IL3RA: variants seen among roughly 807,000 people sequenced by gnomAD.
The protein encoded by IL3RA is interleukin-3 receptor subunit alpha.
IL3RA carries 73 observed loss-of-function variants against 52.3 expected under a neutral mutation model. That is an observed-to-expected ratio of 1.40 (90% CI 1.16 to 1.70). The LOEUF is 1.70. IL3RA is among the 40% of genes most tolerant of loss of function. IL3RA has a pLI of 0.00. For missense variants in IL3RA, 664 were observed against 504.4 expected, an observed-to-expected ratio of 1.32 and a Z score of -3.03; for synonymous variants, 260 against 194.0, an observed-to-expected ratio of 1.34 and a Z score of -2.83.
At chrX:1,365,097 C>T in intron 8 of IL3RA, 41 bp from the exon 9 acceptor site, 1 of 1,474,992 alleles carries the variant, frequency 6.8e-7, no homozygotes, top group Non-Finnish European at 9.5e-7. Flanking sequence ...TCATGAGCCA[C>T]CATACCTGGC....
intron 10 of IL3RA, among the ~76,000 whole-genome samples, chrX:1,380,161 TG>T (rs2089074672): frequency 6.6e-6 from 1 of 151,780 alleles, no homozygotes. Context: ...CCCAAAGTGC[TG>T]GGATGACAGG....
intron 2 of IL3RA, among the ~76,000 whole-genome samples, chrX:1,344,003 C>T (rs1210165576): frequency 2.6e-5 from 4 of 151,818 alleles, no homozygotes; most frequent in Non-Finnish European, 1.5e-5. Context: ...ACCGTGTTAG[C>T]CAGGATGGTC....
At chrX:1,378,551 C>A in intron 9 of IL3RA, 108 bp from the exon 10 acceptor site, 1 of 948,548 alleles carries the variant, frequency 1.1e-6, no homozygotes, top group East Asian at 2.6e-5. Flanking sequence ...GGACGCCACC[C>A]CATATGGCAG....
In IL3RA at chrX:1,356,785, A is replaced by AC. The variant is rs1313378075; in HGVS notation, c.732+449_732+450insC. Among the ~76,000 whole-genome samples the AC allele has an allele frequency of 5.2e-3, 790 of 150,566 alleles. 7 individuals carry two copies. The highest frequency in any genetic ancestry group is 0.014 in the Middle Eastern group (4 of 290). On this transcript the variant is annotated intron_variant, in intron 7 of 11. Transcript: ENST00000331035. ...AGACTCCGTCTCAAAAAAAAAAAAA[A>AC]AGTTTGAGACTGTATGTGGTCTGTT...
intron 3 of IL3RA, 30 bp downstream of exon 3, chrX:1,345,464 T>G: frequency 7.5e-7 from 1 of 1,336,144 alleles, no homozygotes; most frequent in South Asian, 1.5e-5. Flanking sequence ...GTTTTTTTAT[T>G]TTTATTTTAT....
chrX:1,344,314 A>G (rs1398077956), intron 2 of IL3RA, among the ~76,000 whole-genome samples: 1 of 151,574 alleles, frequency 6.6e-6, no homozygotes, highest in Non-Finnish European at 1.5e-5. Flanking sequence ...GGCACCTGTT[A>G]TCCCAGCTGC....
At chrX:1,370,764 G>A (rs1488036766) in intron 9 of IL3RA, among the ~76,000 whole-genome samples, 1 of 67,552 alleles carries the variant, frequency 1.5e-5, no homozygotes, top group East Asian at 3.5e-4. Flanking sequence ...CATAAGAAGA[G>A]ACGAGGACAC....
intron 6 of IL3RA, among the ~76,000 whole-genome samples, chrX:1,354,697 A>G: frequency 1.5e-5 from 1 of 64,538 alleles, no homozygotes; most frequent in Non-Finnish European, 3.0e-5. Flanking sequence ...CAGGAGGGGG[A>G]GGAAGAGAAG....
intron 11 of IL3RA, among the ~76,000 whole-genome samples, chrX:1,381,830 C>A (rs2089191161): frequency 6.6e-6 from 1 of 151,394 alleles, no homozygotes; most frequent in Admixed American, 6.6e-5. Flanking sequence ...GCATGAGCCA[C>A]CATGCCCAGC....
chrX:1,379,544 C>G (rs762213504), intron 10 of IL3RA, among the ~76,000 whole-genome samples: 2 of 152,336 alleles, frequency 1.3e-5, no homozygotes, highest in East Asian at 3.9e-4. Flanking sequence ...AAGCTGAGGG[C>G]TCTGGTGGGA....
At chrX:1,377,968 T>C (rs1955389943) in intron 9 of IL3RA, among the ~76,000 whole-genome samples, 2 of 149,990 alleles carry the variant, frequency 1.3e-5, no homozygotes, top group South Asian at 2.1e-4. Context: ...GGTGGATCAC[T>C]TGAGGTCAGG....
At chrX:1,351,217 T>C (rs1474552841) in intron 4 of IL3RA, among the ~76,000 whole-genome samples, 1 of 152,062 alleles carries the variant, frequency 6.6e-6, no homozygotes, top group Non-Finnish European at 1.5e-5. Flanking sequence ...AATGAATAAA[T>C]AAATCATTAA....
chrX:1,363,032 T>G (rs2087585336), intron 8 of IL3RA, among the ~76,000 whole-genome samples: 1 of 152,002 alleles, frequency 6.6e-6, no homozygotes, highest in Non-Finnish European at 1.5e-5. Context: ...CACCTCAGCC[T>G]CCCAAAGTGC....
At chrX:1,348,732 TTC>T (rs371900871) in intron 4 of IL3RA, among the ~76,000 whole-genome samples, 187 bp downstream of exon 4, 2 of 137,928 alleles carry the variant, frequency 1.5e-5, no homozygotes, top group African/African-American at 2.7e-5. Context: ...TCCTTTCTTT[TTC>T]TTTCTTTCTT....
At chrX:1,360,604 C>A (rs1407044911) in intron 8 of IL3RA, among the ~76,000 whole-genome samples, 1 of 152,016 alleles carries the variant, frequency 6.6e-6, no homozygotes, top group Non-Finnish European at 1.5e-5. Context: ...CTGCAACCTC[C>A]GCCTCCCAGG....
At chrX:1,340,263 A>C (rs2085442646) in intron 1 of IL3RA, among the ~76,000 whole-genome samples, 1 of 151,062 alleles carries the variant, frequency 6.6e-6, no homozygotes, top group Non-Finnish European at 1.5e-5. Context: ...TTATAGGCAC[A>C]CTCCACCACG....
At chrX:1,342,989 C>T (rs1213101955) in intron 2 of IL3RA, among the ~76,000 whole-genome samples, 13 of 151,808 alleles carry the variant, frequency 8.6e-5, no homozygotes, top group East Asian at 4.0e-4. Flanking sequence ...GCAGGAGAGT[C>T]GCTTGAACCC....
chrX:1,353,943 ACCCCC>A (rs762596930), intron 6 of IL3RA, among the ~76,000 whole-genome samples: 1 of 42,814 alleles, frequency 2.3e-5, no homozygotes, highest in African/African-American at 9.4e-5. Flanking sequence ...GGGTCATGGG[ACCCCC>A]CCCCCCATCA....
At chrX:1,340,669 T>C (rs1348531612) in intron 1 of IL3RA, among the ~76,000 whole-genome samples, 2 of 152,144 alleles carry the variant, frequency 1.3e-5, no homozygotes, top group African/African-American at 2.4e-5. Context: ...ACACAAAGAC[T>C]GTGTGTACCT....
Sources: allele counts gnomAD v4.1 joint callset (sites outside exome capture counted in the v4.1 genomes callset), GRCh38; gene constraint gnomAD v4.1.1; transcripts MANE v1.5; gene names NCBI Gene and HGNC (gene_info 2026-07-23, HGNC 2026-07-21).